The following SIN3B variants were observed in gnomAD, a reference collection of about 807,000 sequenced individuals.
SIN3B encodes the protein SIN3 transcription regulator family member B, also known as paired amphipathic helix protein Sin3b.
In SIN3B, 19 loss-of-function variants were observed where a neutral mutation model predicts 120.2. The observed-to-expected ratio is 0.16, with a 90% CI of 0.11 to 0.23. SIN3B has a LOEUF of 0.23. SIN3B is among the 10% of genes least tolerant of loss of function. The pLI is 1.00. For missense variants in SIN3B, 1,073 were observed against 1,573.0 expected (o/e 0.68, Z 5.38); for synonymous variants, 654 against 653.2 (o/e 1.00, Z -0.02).
chr19:16,875,630 CTGGTCTGGTCTGTT>C (rs1482376749), intron 14 of SIN3B, among the ~76,000 whole-genome samples: 14 of 137,026 alleles, frequency 1.0e-4, no homozygotes, highest in African/African-American at 4.0e-4. Flanking sequence ...TGGGTCTGGT[CTGGTCTGGTCTGTT>C]TGGTCTGGTC....
chr19:16,854,389 G>T (rs913450858), intron 8 of SIN3B, 128 bp downstream of exon 8: 6 of 634,712 alleles, frequency 9.5e-6, no homozygotes, highest in African/African-American at 9.2e-5. Context: ...TAATTGACGT[G>T]ATTGATATAA....
chr19:16,873,582 C>T (rs1439886022), intron 14 of SIN3B, among the ~76,000 whole-genome samples: 3 of 142,366 alleles, frequency 2.1e-5, no homozygotes, highest in Non-Finnish European at 4.6e-5. Flanking sequence ...AGCAACCTTG[C>T]TTGTGACACC....
chr19:16,845,843 T>C (rs1971471586), intron 4 of SIN3B, among the ~76,000 whole-genome samples: 1 of 152,242 alleles, frequency 6.6e-6, no homozygotes, highest in African/African-American at 2.4e-5. Context: ...TGCCTCAGCC[T>C]TCCAAGTAAC....
Position 16,869,885 on chromosome 19 carries a change from T to G in SIN3B, c.2232T>G (p.Phe744Leu), listed in dbSNP as rs1437492650. The G allele has an allele frequency of 6.2e-7, 1 of 1,614,132 alleles. No individual in the cohort carries two copies. Among genetic ancestry groups the G allele is most frequent in the African/African-American group, 1.3e-5 (1 of 74,944 alleles). Residue 744 changes from phenylalanine to leucine, a missense_variant, in exon 13 of 19, where the codon TTT (phenylalanine) becomes TTG (leucine). Phe to Leu is a conservative substitution (Grantham distance 22). Coordinates refer to ENST00000248054, the MANE Select transcript of SIN3B (RefSeq NM_001297595.2). ...KPLDDVYSLF[F>L]ANNNWYFFLR... Reference sequence around the variant, plus strand: ...TGGACGATGTCTACAGCCTATTTTTTGCCAACAACAACTGGTACTTCTTCC... The same window carrying G: ...TGGACGATGTCTACAGCCTATTTTTGGCCAACAACAACTGGTACTTCTTCC...
intron 14 of SIN3B, among the ~76,000 whole-genome samples, chr19:16,873,738 T>C (rs2051544102): frequency 6.6e-6 from 1 of 152,258 alleles, no homozygotes; most frequent in Non-Finnish European, 1.5e-5. Context: ...GAGAGCCACA[T>C]GCTGCCCTGC....
chr19:16,833,597 A>C (rs1599586484), intron 3 of SIN3B, among the ~76,000 whole-genome samples: 1 of 150,578 alleles, frequency 6.6e-6, no homozygotes, highest in African/African-American at 2.4e-5. Context: ...GTGCCACTGC[A>C]CTGTAGCCTG....
intron 3 of SIN3B, among the ~76,000 whole-genome samples, chr19:16,839,128 T>C (rs1176460996): frequency 6.6e-6 from 1 of 151,962 alleles, no homozygotes; most frequent in Admixed American, 6.6e-5. Flanking sequence ...CCACCACACC[T>C]GGCTAATTTT....
rs371379316 is a variant in SIN3B, at chr19:16,838,203, T to C, written c.382-3565T>C. 2.2e-4 allele frequency among the ~76,000 whole-genome samples: 33 copies of C among 152,126 alleles called. No homozygotes were observed. The South Asian group carries it at 6.8e-3, about 32-fold the overall frequency. ...AAAGGATTAAATTTTTAAAAATGTT[T>C]CATATTGTGATACTGTTCACATAAC... On this transcript the variant is annotated intron_variant, in intron 3 of 18. Transcript: ENST00000248054.
intron 4 of SIN3B, 89 bp downstream of exon 4, chr19:16,842,057 A>G: frequency 8.9e-7 from 1 of 1,126,442 alleles, no homozygotes. Flanking sequence ...GTCGGAATTC[A>G]TAAAATCCTG....
chr19:16,863,342 AC>A, intron 9 of SIN3B: 1 of 475,194 alleles, frequency 2.1e-6, no homozygotes, highest in South Asian at 2.6e-5. Flanking sequence ...AATGATCTAC[AC>A]AGCATTTACA....
chr19:16,840,676 C>T (rs573430201), intron 3 of SIN3B, among the ~76,000 whole-genome samples: 37 of 152,284 alleles, frequency 2.4e-4, no homozygotes, highest in Admixed American at 2.0e-3. Context: ...TGCAGGGCAG[C>T]GGAAACAGTG....
In SIN3B at chr19:16,878,170, CT is replaced by C; in HGVS notation, c.2955-10del. 6.5e-7 allele frequency: 1 copy of C among 1,549,680 alleles called. No homozygotes were observed. ...CGAGAGCCAGAGTCCATTCCACCTC[CT>C]TTCGCCCCCAGGAACCTCAAGAAGT... is the stretch of plus-strand genomic sequence containing the variant. On this transcript the variant is annotated splice_polypyrimidine_tract_variant and intron_variant, in intron 17 of 18. Coordinates refer to ENST00000248054, the MANE Select transcript of SIN3B (RefSeq NM_001297595.2).
At chr19:16,854,487 A>G (rs1971586637) in intron 8 of SIN3B, 2 of 503,100 alleles carry the variant, frequency 4.0e-6, no homozygotes, top group Non-Finnish European at 7.0e-6. Context: ...TGTAGTCAGT[A>G]TCCTCACCAG....
chr19:16,835,495 C>CT (rs35239779), intron 3 of SIN3B, among the ~76,000 whole-genome samples: 15,038 of 136,240 alleles, frequency 0.11, 895 homozygotes, highest in African/African-American at 0.15. Context: ...TCCCAAAGTT[C>CT]TTTTTTTTTT....
Position 16,869,613 on chromosome 19 carries a change from A to G in SIN3B, c.1960A>G (p.Thr654Ala), listed in dbSNP as rs1479939529. Residue 654 changes from threonine to alanine, a missense_variant, in exon 13 of 19, where the codon ACC becomes GCC. This residue lies in a region of SIN3B where 169 missense variants were observed against 207.3 expected (regional missense o/e 0.82). Transcript: ENST00000248054. ...QPAIQKEDQG[T>A]IHQLLHQFVP... Reference sequence around the variant, plus strand: ...GGCCATCCAGAAGGAGGACCAGGGCACCATCCACCAGCTGCTGCACCAGTT... The same window carrying G: ...GGCCATCCAGAAGGAGGACCAGGGCGCCATCCACCAGCTGCTGCACCAGTT... 2 of 1,613,408 alleles carry G rather than the reference A, an allele frequency of 1.2e-6. No homozygotes were observed. The highest frequency in any genetic ancestry group is 1.1e-5 in the South Asian group (1 of 91,088).
At chr19:16,849,376 C>G (rs995984455) in intron 5 of SIN3B, among the ~76,000 whole-genome samples, 7 of 152,160 alleles carry the variant, frequency 4.6e-5, no homozygotes, top group African/African-American at 1.7e-4. Flanking sequence ...AATGACTGGA[C>G]AGGGCTGTGT....
At position 16,878,647 on chromosome 19, in the gene SIN3B, C is replaced by T. The variant is rs202063954; in HGVS notation, c.3313C>T (p.Leu1105=). 1.1e-5 allele frequency: 17 copies of T among 1,613,546 alleles called. No individual in the cohort carries two copies. Among genetic ancestry groups the T allele is most frequent in the Middle Eastern group, 1.7e-4 (1 of 6,036 alleles). ...EDEDMVPCKT[L]CETVHVHGLP... ...CGAGGACATGGTACCCTGCAAGACG[C>T]TGTGTGAGACAGTGCACGTGCACGG... Residue 1105 remains leucine (L), a synonymous_variant, in exon 19 of 19, where the codon CTG becomes TTG. Transcript: ENST00000248054.
intron 8 of SIN3B, among the ~76,000 whole-genome samples, chr19:16,856,349 G>A (rs376453075): frequency 2.6e-5 from 4 of 152,288 alleles, no homozygotes; most frequent in African/African-American, 9.6e-5. Flanking sequence ...CACTTGGGCA[G>A]TCTGAGCCTC....
chr19:16,870,233 A>G lies in SIN3B; in HGVS notation c.2422+158A>G, dbSNP rs8108315. ...AAATTGCAAACAGGAAGTTGCCAGC[A>G]TAAGACAGAGGTCTCACGTACCCCT... is the stretch of plus-strand genomic sequence containing the variant. On this transcript the variant is annotated intron_variant, in intron 13 of 18. Transcript: ENST00000248054. 0.17 allele frequency among the ~76,000 whole-genome samples: 25,495 copies of G among 152,258 alleles called. 2,363 individuals are homozygous for G. The highest frequency in any genetic ancestry group is 0.22 in the African/African-American group (9,136 of 41,554).
Sources: allele counts gnomAD v4.1 joint callset (sites outside exome capture counted in the v4.1 genomes callset), GRCh38; gene constraint gnomAD v4.1.1; regional missense constraint gnomAD v4.1.1; transcripts MANE v1.5; gene names NCBI Gene and HGNC (gene_info 2026-07-23, HGNC 2026-07-21).